BPIFA2: variants seen among roughly 807,000 people sequenced by gnomAD.
The protein encoded by BPIFA2 is BPI fold-containing family A member 2.
BPIFA2 carries 20 observed loss-of-function variants against 25.7 expected under a neutral mutation model. The observed-to-expected ratio is 0.78, with a 90% CI of 0.55 to 1.13. The LOEUF (loss-of-function observed/expected upper bound fraction) is 1.13, where lower values mean the gene tolerates loss of function less well. BPIFA2 is among the 50% of genes most tolerant of loss of function. The probability of loss-of-function intolerance (pLI) is 0.00; values close to 1 mark genes in which losing one functional copy is unlikely to be tolerated. For missense variants in BPIFA2, 300 were observed against 298.1 expected (o/e 1.01, Z -0.05); for synonymous variants, 126 against 124.3 (o/e 1.01, Z -0.09).
At chr20:33,174,652 T>C (rs1043735337) in intron 4 of BPIFA2, among the ~76,000 whole-genome samples, 2 of 152,218 alleles carry the variant, frequency 1.3e-5, no homozygotes, top group Admixed American at 6.5e-5. Flanking sequence ...GGCTTATACC[T>C]GTAATCCCAG....
intron 1 of BPIFA2, among the ~76,000 whole-genome samples, chr20:33,162,760 C>A (rs1983617518): frequency 6.6e-6 from 1 of 152,200 alleles, no homozygotes; most frequent in Non-Finnish European, 1.5e-5. Flanking sequence ...AAAGCCCCTG[C>A]AAGATAAATA....
chr20:33,180,481 G>A, intron 7 of BPIFA2, 39 bp from the exon 8 acceptor site: 2 of 1,594,654 alleles, frequency 1.3e-6, no homozygotes, highest in Non-Finnish European at 1.7e-6. Context: ...CAATTCCAGT[G>A]GCAGAGACTA....
upstream of BPIFA2, among the ~76,000 whole-genome samples, chr20:33,164,149 T>C (rs990516093): frequency 1.3e-4 from 19 of 151,960 alleles, no homozygotes; most frequent in African/African-American, 4.1e-4. Context: ...CACTAAAGGG[T>C]TGTCAAAAGC....
upstream of BPIFA2, among the ~76,000 whole-genome samples, chr20:33,167,684 C>CTGTGGA (rs10667426): frequency 3.9e-5 from 6 of 152,190 alleles, no homozygotes; most frequent in Non-Finnish European, 7.3e-5. Context: ...GGGCAGGACC[C>CTGTGGA]CTGGGAGGCT....
upstream of BPIFA2, among the ~76,000 whole-genome samples, chr20:33,165,291 T>C (rs528585733): frequency 1.3e-5 from 2 of 152,332 alleles, no homozygotes; most frequent in East Asian, 3.9e-4. Context: ...GGATGGATGA[T>C]TCGTACTTGA....
chr20:33,178,356 T>G, intron 6 of BPIFA2, 128 bp downstream of exon 6: 1 of 651,482 alleles, frequency 1.5e-6, no homozygotes. Context: ...GGAGGTCAGC[T>G]GGAGCTTCCT....
intron 1 of BPIFA2, among the ~76,000 whole-genome samples, chr20:33,162,870 C>T (rs193254911): frequency 1.2e-4 from 18 of 152,344 alleles, no homozygotes; most frequent in Admixed American, 9.1e-4. Flanking sequence ...CTCTTTCACT[C>T]CCAAAGTGCT....
chr20:33,178,258 C>A, intron 6 of BPIFA2, 30 bp downstream of exon 6: 2 of 1,522,416 alleles, frequency 1.3e-6, no homozygotes. Context: ...GAGCCCAGAT[C>A]CAGGCCTGGT....
At chr20:33,173,290 G>C (rs554051210) in intron 3 of BPIFA2, among the ~76,000 whole-genome samples, 1 of 152,070 alleles carries the variant, frequency 6.6e-6, no homozygotes, top group East Asian at 1.9e-4. Context: ...TCGGGCTTCC[G>C]CTTTCTTTAA....
intron 5 of BPIFA2, among the ~76,000 whole-genome samples, chr20:33,176,091 T>C (rs1984067137): frequency 6.6e-6 from 1 of 152,216 alleles, no homozygotes; most frequent in Admixed American, 6.5e-5. Flanking sequence ...AAATTATATT[T>C]ACCTTCTTGC....
rs376826118 is a variant in BPIFA2, at chr20:33,175,468, A to G, written c.472A>G (p.Ile158Val). 44 of 1,613,964 alleles carry G rather than the reference A, an allele frequency of 2.7e-5. No individual in the cohort carries two copies. The highest frequency in any genetic ancestry group is 1.2e-4 in the South Asian group (11 of 91,062). ...CTTGGACCTCCTGACCGCAGTCACA[A>G]TTGAAACTGATCCCCAGACACACCA... is the stretch of plus-strand genomic sequence containing the variant. ...ASLDLLTAVT[I>V]ETDPQTHQPV... is the part of the protein sequence containing the mutation. The change falls in exon 5 of 9, where the codon ATT becomes GTT. Residue 158 changes from isoleucine (I) to valine (V), a missense_variant. Coordinates refer to ENST00000354932, the MANE Select transcript of BPIFA2 (RefSeq NM_080574.4).
rs762021343 is a variant in BPIFA2, at chr20:33,178,235, C to T, written c.645+7C>T. 6.4e-6 allele frequency: 10 copies of T among 1,572,900 alleles called. No individual in the cohort carries two copies. In the Admixed American group the frequency reaches 1.5e-4, roughly 24 times the overall value. ...CTCCCTGCTGCAGAAGGAGGTGAGT[C>T]TCCCACTCCTTGGAGCCCAGATCCA... On this transcript the variant is annotated splice_region_variant and intron_variant, in intron 6 of 8. Transcript: ENST00000354932.
intron 5 of BPIFA2, 53 bp from the exon 6 acceptor site, chr20:33,178,094 C>A: frequency 7.0e-7 from 1 of 1,422,900 alleles, no homozygotes; most frequent in South Asian, 1.2e-5. Context: ...TTTGGCAGTT[C>A]TCCCATCTCT....
chr20:33,171,001 A>G (rs564395159), intron 2 of BPIFA2, among the ~76,000 whole-genome samples: 1 of 152,196 alleles, frequency 6.6e-6, no homozygotes, highest in South Asian at 2.1e-4. Context: ...TCCTTTCCCC[A>G]CTGCTTGTTT....
At chr20:33,175,260 G>C (rs565677839) in intron 4 of BPIFA2, 147 bp from the exon 5 acceptor site, 1 of 718,744 alleles carries the variant, frequency 1.4e-6, no homozygotes, top group Non-Finnish European at 2.2e-6. Context: ...AAATCTCATA[G>C]AGGATATGGA....
chr20:33,180,141 C>T (rs966964656), intron 7 of BPIFA2, among the ~76,000 whole-genome samples: 3 of 151,978 alleles, frequency 2.0e-5, no homozygotes, highest in East Asian at 1.9e-4. Context: ...TTGCTTGAGC[C>T]TAGGAGGCGG....
At chr20:33,165,134 T>C (rs745345067), upstream of BPIFA2, among the ~76,000 whole-genome samples, 10 of 152,254 alleles carry the variant, frequency 6.6e-5, no homozygotes, top group Non-Finnish European at 8.8e-5. Context: ...GACTGTAACA[T>C]TGTGACAACT....
At chr20:33,180,701 C>T (rs1353184710) in intron 8 of BPIFA2, 104 bp downstream of exon 8, 5 of 917,732 alleles carry the variant, frequency 5.4e-6, no homozygotes, top group Non-Finnish European at 8.5e-6. Flanking sequence ...GCCTTCATCT[C>T]AGTCATAGAT....
rs1280102504 is a variant in BPIFA2 at position 33,162,259 on chromosome 20, GCATGAGCCACTGTGC to G, written c.-16+363_-16+377del. ...GCCTCCCAAAGTGCTGGAATTACAG[GCATGAGCCACTGTGC>G]CCAGCCTCTCCCATGGTTTTTATTC... On this transcript the variant is annotated intron_variant, in intron 1 of 8. Coordinates refer to the BPIFA2 transcript ENST00000253362. Among the ~76,000 whole-genome samples the G allele has an allele frequency of 2.0e-5, 3 of 152,138 alleles. No homozygotes were observed. In the East Asian group the frequency reaches 5.8e-4, roughly 29 times the overall value.
Sources: gnomAD v4.1 joint callset for allele counts (sites outside exome capture counted in the v4.1 genomes callset) on GRCh38, gnomAD v4.1.1 for gene constraint, MANE v1.5 for transcripts, NCBI Gene and HGNC (gene_info 2026-07-23, HGNC 2026-07-21) for gene names.